HMGB3: variants seen among roughly 807,000 people sequenced by gnomAD.
HMGB3 encodes the protein high mobility group box 3.
In HMGB3, 1 loss-of-function variant was observed where a neutral mutation model predicts 12.9. That is an observed-to-expected ratio of 0.08 (90% CI 0.03 to 0.37). The LOEUF (loss-of-function observed/expected upper bound fraction) is 0.37. Ranked by LOEUF, HMGB3 falls within the 10% of genes least tolerant of loss-of-function variation. The pLI is 0.99. For synonymous variants in HMGB3, 61 were observed against 53.9 expected (o/e 1.13, Z -0.57); for missense variants, 74 against 153.3 (o/e 0.48, Z 2.73).
At chrX:150,985,280 A>G (rs782621115) in intron 1 of HMGB3, among the ~76,000 whole-genome samples, 4 of 112,236 alleles carry the variant, frequency 3.6e-5, no homozygotes, top group Non-Finnish European at 5.6e-5. Context: ...TGTAGTTTCC[A>G]AAACATAGCA....
chrX:150,983,240 G>A (rs2048004204), upstream of HMGB3: 1 of 730,416 alleles, frequency 1.4e-6, no homozygotes, highest in Admixed American at 8.6e-5. Flanking sequence ...GCAGCCAATG[G>A]CCAGGCGAGG....
At chrX:150,983,061 AGTTCT>A (rs1382506012), upstream of HMGB3, among the ~76,000 whole-genome samples, 1 of 112,083 alleles carries the variant, frequency 8.9e-6, no homozygotes, top group Non-Finnish European at 1.9e-5. Context: ...TGGCGATCCC[AGTTCT>A]GTTCCCCGAG....
rs2048090107 is a variant in HMGB3 at position 150,989,394 on chromosome X, G to A, written c.*1480G>A. ...TTGGGCCACCTGAGCTATAGGGCAGGCTAATGGAATCAACCATTTCTGAGC... is the reference window on the plus strand; with the variant it reads ...TTGGGCCACCTGAGCTATAGGGCAGACTAATGGAATCAACCATTTCTGAGC... On this transcript the variant is annotated 3_prime_UTR_variant, in exon 5 of 5. Coordinates refer to ENST00000325307, the MANE Select transcript of HMGB3 (RefSeq NM_005342.4). 1 of 111,417 alleles carries A rather than the reference G, an allele frequency of 9.0e-6. No homozygotes were observed. 9.2% of individuals were successfully genotyped at this position (111,417 alleles called of 1,213,427 possible).
chrX:150,985,926 C>A, intron 2 of HMGB3, 125 bp from the exon 3 acceptor site: 2 of 834,750 alleles, frequency 2.4e-6, no homozygotes, highest in Non-Finnish European at 3.4e-6. Flanking sequence ...AGGCCCTGCA[C>A]AGGTTTCAGG....
chrX:150,984,009 G>T (rs2048019445), intron 1 of HMGB3, among the ~76,000 whole-genome samples: 1 of 101,494 alleles, frequency 9.9e-6, no homozygotes, highest in African/African-American at 3.5e-5. Flanking sequence ...CCGGGGGGGC[G>T]CGGGCCGGCC....
rs1384159567 is a variant in HMGB3 at position 150,988,116 on chromosome X, A to G, written c.*202A>G. On this transcript the variant is annotated 3_prime_UTR_variant, in exon 5 of 5. Transcript: ENST00000325307. Reference sequence around the variant, plus strand: ...GCCATGGGTGTCTGGAGCACCCTGAAACTGTATCAAAGTTGTACATATTTC... The same window carrying G: ...GCCATGGGTGTCTGGAGCACCCTGAGACTGTATCAAAGTTGTACATATTTC... The G allele has an allele frequency of 2.6e-5, 11 of 417,537 alleles. No homozygotes were observed. Among genetic ancestry groups the G allele is most frequent in the Non-Finnish European group, 4.5e-5 (11 of 245,603 alleles). The allele number at this position is 417,537 out of a possible 1,213,427, so 34.4% of individuals were successfully genotyped here.
intron 4 of HMGB3, 129 bp from the exon 5 acceptor site, chrX:150,987,646 GAT>G (rs1557425276): frequency 1.9e-6 from 1 of 523,778 alleles, no homozygotes; most frequent in African/African-American, 2.3e-5. Context: ...AAACACTTCA[GAT>G]ATATATGATA....
Position 150,990,763 on chromosome X carries a change from TC to T in HMGB3, c.*2852del, listed in dbSNP as rs1262821907. 2 of 111,842 alleles carry T rather than the reference TC, an allele frequency of 1.8e-5. No individual in the cohort carries two copies. The highest frequency in any genetic ancestry group is 6.5e-5 in the African/African-American group (2 of 30,774). The allele number at this position is 111,842 out of a possible 1,213,427, so 9.2% of individuals were successfully genotyped here. On this transcript the variant is annotated 3_prime_UTR_variant, in exon 5 of 5. Transcript: ENST00000325307. ...TGTAATAAAGTTTCTTAATCACTCT[TC>T]CCAAAAAGTAATCAGTGGGCTGTCT... is the stretch of plus-strand genomic sequence containing the variant.
At chrX:150,983,483 G>T in intron 1 of HMGB3, 107 bp downstream of exon 1, 3 of 740,769 alleles carry the variant, frequency 4.0e-6, no homozygotes, top group Non-Finnish European at 4.8e-6. Context: ...GGCCCGCGCC[G>T]CCGTGAGCGC....
At position 150,990,099 on chromosome X, in the gene HMGB3, G is replaced by A. The variant is rs1254355088; in HGVS notation, c.*2185G>A. 8.9e-6 allele frequency: 1 copy of A among 112,172 alleles called. No homozygotes were observed. Among genetic ancestry groups the A allele is most frequent in the East Asian group, 2.8e-4 (1 of 3,587 alleles). The allele number at this position is 112,172 out of a possible 1,213,427, so 9.2% of individuals were successfully genotyped here. A position where few individuals can be genotyped will look rare whatever the true frequency, so the allele number is the denominator to read the frequency against. ...AGCTAAAGCTTTAGCTTCCCAATTC[G>A]TGATGTGCTAGGCCAAGATTCGGGA... On this transcript the variant is annotated 3_prime_UTR_variant, in exon 5 of 5. Transcript: ENST00000325307.
chrX:150,983,139 A>T, upstream of HMGB3: 2 of 261,722 alleles, frequency 7.6e-6, no homozygotes, highest in Non-Finnish European at 1.1e-5. Context: ...TGGCCTCCGT[A>T]GCCGGCGCCG....
chrX:150,988,006 A>G lies in HMGB3; in HGVS notation c.*92A>G, dbSNP rs1203733836. 9.8e-7 allele frequency: 1 copy of G among 1,023,338 alleles called. No homozygotes were observed. Among genetic ancestry groups the G allele is most frequent in the Non-Finnish European group, 1.3e-6 (1 of 772,576 alleles). 84.3% of individuals were successfully genotyped at this position (1,023,338 alleles called of 1,213,427 possible). A position where few individuals can be genotyped will look rare whatever the true frequency, so the allele number is the denominator to read the frequency against. On this transcript the variant is annotated 3_prime_UTR_variant, in exon 5 of 5. Transcript: ENST00000325307. The stretch of plus-strand genomic sequence containing the variant: ...TATTTGAGAAGTGTCTGTTGCCCTC[A>G]TTAGGTTTAATTACAAAATTTGATC...
chrX:150,986,577 TAC>T (rs201419628), intron 3 of HMGB3, among the ~76,000 whole-genome samples: 6 of 70,420 alleles, frequency 8.5e-5, no homozygotes, highest in African/African-American at 2.2e-4. Flanking sequence ...TATATATGCA[TAC>T]ACACACACAG....
chrX:150,987,107 A>T (rs374963622), intron 3 of HMGB3, 21 bp from the exon 4 acceptor site: 6 of 1,161,758 alleles, frequency 5.2e-6, no homozygotes, highest in Non-Finnish European at 5.8e-6. Flanking sequence ...TTTCTCATGT[A>T]ATGTATGTAA....
rs1361300964 is a variant in HMGB3 at position 150,989,131 on chromosome X, GTGTA to G, written c.*1220_*1223del. On this transcript the variant is annotated 3_prime_UTR_variant, in exon 5 of 5. Transcript: ENST00000325307. ...TGCATTGCTAAACAGCAATTTCAGA[GTGTA>G]TGGTGTGTCAAAAATTAAGGCCTTA... The G allele has an allele frequency of 9.0e-6, 1 of 111,600 alleles. No homozygotes were observed. Among genetic ancestry groups the G allele is most frequent in the African/African-American group, 3.3e-5 (1 of 30,622 alleles). 9.2% of individuals were successfully genotyped at this position (111,600 alleles called of 1,213,427 possible). A position where few individuals can be genotyped will look rare whatever the true frequency, so the allele number is the denominator to read the frequency against.
At chrX:150,984,281 G>T (rs1300826135) in intron 1 of HMGB3, among the ~76,000 whole-genome samples, 1 of 93,449 alleles carries the variant, frequency 1.1e-5, no homozygotes, top group African/African-American at 3.8e-5. Flanking sequence ...GCGCCGGGGG[G>T]CGGGGAGGTC....
chrX:150,987,524 GA>G (rs1228532524), intron 4 of HMGB3, among the ~76,000 whole-genome samples: 1 of 109,337 alleles, frequency 9.1e-6, no homozygotes, highest in African/African-American at 3.3e-5. Flanking sequence ...ACTCTTTAAG[GA>G]AAAAAAAATG....
At position 150,987,799 on chromosome X, in the gene HMGB3, A is replaced by C. The variant is rs1557425286; in HGVS notation, c.488A>C (p.Lys163Thr). ...TAGGATGTTGCTGACTATAAGTCGA[A>C]AGGAAAGTTTGATGGTGCAAAGGGT... Reference protein sequence around the residue: ...YEKDVADYKSKGKFDGAKGPA... With the variant: ...YEKDVADYKSTGKFDGAKGPA... Residue 163 changes from lysine to threonine, a missense_variant, in exon 5 of 5, where the codon AAA becomes ACA. By Grantham distance (78) the Lys-to-Thr change is moderately conservative. Around this residue, in one of 2 missense-constraint regions of HMGB3, gnomAD observed 29 missense variants for 29.5 expected, o/e 0.98. Transcript: ENST00000325307. 8.3e-7 allele frequency: 1 copy of C among 1,207,310 alleles called. No individual in the cohort carries two copies. Among genetic ancestry groups the C allele is most frequent in the Non-Finnish European group, 1.1e-6 (1 of 893,980 alleles).
chrX:150,981,300 C>G (rs1207827802), upstream of HMGB3, among the ~76,000 whole-genome samples: 5 of 106,274 alleles, frequency 4.7e-5, no homozygotes, highest in South Asian at 1.8e-3. Flanking sequence ...AGATGGTAAG[C>G]TCCCTATGAG....
Sources: gnomAD v4.1 joint callset for allele counts (sites outside exome capture counted in the v4.1 genomes callset) on GRCh38, gnomAD v4.1.1 for gene constraint, gnomAD v4.1.1 regional missense constraint, MANE v1.5 for transcripts, NCBI Gene and HGNC (gene_info 2026-07-23, HGNC 2026-07-21) for gene names.